Variants in TMEM182 observed in about 807,000 individuals in gnomAD.
The protein encoded by TMEM182 is transmembrane protein 182.
Under a neutral mutation model 26.8 loss-of-function variants are expected in TMEM182, and 20 were observed. That is an observed-to-expected ratio of 0.75 (90% CI 0.53 to 1.09). The LOEUF (loss-of-function observed/expected upper bound fraction) is 1.09. Ranked by LOEUF, TMEM182 falls within the 50% of genes least tolerant of loss-of-function variation. The pLI is 0.00. For missense variants in TMEM182, 277 were observed against 275.5 expected, an observed-to-expected ratio of 1.01 and a Z score of -0.04; for synonymous variants, 109 against 102.2, an observed-to-expected ratio of 1.07 and a Z score of -0.40.
Position 102,816,869 on chromosome 2 carries a change from C to T in TMEM182, c.*1901C>T. On this transcript the variant is annotated 3_prime_UTR_variant, in exon 5 of 5. Coordinates refer to ENST00000412401, the MANE Select transcript of TMEM182 (RefSeq NM_144632.5). ...TGTACTGTATGCCATTTAAGTTTCA[C>T]ATACAAGCTGCTTTCGGCAAAGGCT... is the stretch of plus-strand genomic sequence containing the variant. 1.0e-6 allele frequency: 1 copy of T among 985,798 alleles called. No individual in the cohort carries two copies. The highest frequency in any genetic ancestry group is 1.2e-6 in the Non-Finnish European group (1 of 829,912). The allele number at this position is 985,798 out of a possible 1,614,324, so 61.1% of individuals were successfully genotyped here.
At chr2:102,790,217 G>A (rs1681577921) in intron 3 of TMEM182, among the ~76,000 whole-genome samples, 1 of 152,210 alleles carries the variant, frequency 6.6e-6, no homozygotes, top group South Asian at 2.1e-4. Context: ...GTGGCTTCTG[G>A]TTGTCAGCAC....
chr2:102,741,325 C>A (rs1337240442), intron 1 of TMEM182, among the ~76,000 whole-genome samples: 1 of 152,092 alleles, frequency 6.6e-6, no homozygotes, highest in Non-Finnish European at 1.5e-5. Context: ...GGGATACCCC[C>A]ACAATTTAAT....
At chr2:102,792,959 G>A (rs1234984956) in intron 3 of TMEM182, among the ~76,000 whole-genome samples, 5 of 152,090 alleles carry the variant, frequency 3.3e-5, no homozygotes, top group African/African-American at 4.8e-5. Flanking sequence ...CTGCTTCATC[G>A]TGTGTCTCCT....
intron 1 of TMEM182, among the ~76,000 whole-genome samples, chr2:102,740,963 G>T (rs1679523169): frequency 6.6e-6 from 1 of 152,158 alleles, no homozygotes; most frequent in Non-Finnish European, 1.5e-5. Context: ...AAATGAAAAG[G>T]AACACATGCT....
intron 3 of TMEM182, among the ~76,000 whole-genome samples, chr2:102,772,511 C>A (rs1362775547): frequency 2.0e-5 from 3 of 152,084 alleles, no homozygotes; most frequent in African/African-American, 7.2e-5. Context: ...TGGGTCCTGC[C>A]ATCCCATGAG....
intron 3 of TMEM182, among the ~76,000 whole-genome samples, chr2:102,840,509 A>T (rs1294197456): frequency 6.6e-6 from 1 of 152,186 alleles, no homozygotes. Context: ...CACCGGCGTT[A>T]GTGGGTCAGG....
At chr2:102,745,599 C>A (rs1177575098) in intron 1 of TMEM182, among the ~76,000 whole-genome samples, 2 of 152,162 alleles carry the variant, frequency 1.3e-5, no homozygotes, top group East Asian at 1.9e-4. Flanking sequence ...TAATCCCTGC[C>A]CCCCAAAATA....
At chr2:102,808,673 C>A (rs1253728931) in intron 4 of TMEM182, among the ~76,000 whole-genome samples, 3 of 152,110 alleles carry the variant, frequency 2.0e-5, no homozygotes, top group Non-Finnish European at 4.4e-5. Context: ...ATAGTTAGAA[C>A]AACCCAAATG....
intron 3 of TMEM182, among the ~76,000 whole-genome samples, chr2:102,827,587 C>A (rs78076172): frequency 0.011 from 1,699 of 152,312 alleles, 43 homozygotes; most frequent in African/African-American, 0.038. Context: ...GTACTTCGTG[C>A]ATCACTGATC....
At chr2:102,840,045 C>T (rs1315618341) in intron 3 of TMEM182, among the ~76,000 whole-genome samples, 1 of 152,172 alleles carries the variant, frequency 6.6e-6, no homozygotes, top group Non-Finnish European at 1.5e-5. Flanking sequence ...CTGAGTGCCT[C>T]ACGGGGAGAA....
intron 1 of TMEM182, among the ~76,000 whole-genome samples, chr2:102,749,506 T>C (rs1679813882): frequency 1.3e-5 from 2 of 152,178 alleles, no homozygotes. Flanking sequence ...AATTAGATTA[T>C]GGTGATGGCC....
chr2:102,770,144 A>G (rs1415118900), intron 3 of TMEM182, among the ~76,000 whole-genome samples: 1 of 152,216 alleles, frequency 6.6e-6, no homozygotes. Context: ...AAGACAGCCC[A>G]CAAATGAGGG....
chr2:102,805,913 CA>C (rs960656083), intron 4 of TMEM182, among the ~76,000 whole-genome samples: 1 of 151,526 alleles, frequency 6.6e-6, no homozygotes, highest in South Asian at 2.1e-4. Context: ...TCTAAAAAAA[CA>C]AAAAAAACCC....
intron 1 of TMEM182, among the ~76,000 whole-genome samples, chr2:102,742,422 G>C (rs1005553867): frequency 2.6e-5 from 4 of 152,058 alleles, no homozygotes; most frequent in Admixed American, 2.0e-4. Flanking sequence ...GATACCATTT[G>C]GTATCCTATA....
chr2:102,777,117 A>C (rs1680950712), intron 3 of TMEM182, among the ~76,000 whole-genome samples: 1 of 151,894 alleles, frequency 6.6e-6, no homozygotes, highest in African/African-American at 2.4e-5. Flanking sequence ...TTTTCTTAAC[A>C]GTGTCGTTCA....
intron 3 of TMEM182, among the ~76,000 whole-genome samples, chr2:102,842,095 A>G (rs1420739722): frequency 6.6e-6 from 1 of 152,184 alleles, no homozygotes; most frequent in African/African-American, 2.4e-5. Context: ...ACCCATATAT[A>G]AAGTATAACC....
chr2:102,770,673 G>A (rs922881778), intron 3 of TMEM182, among the ~76,000 whole-genome samples: 9 of 151,208 alleles, frequency 6.0e-5, no homozygotes, highest in Admixed American at 2.0e-4. Flanking sequence ...ATGTGAAACC[G>A]CACACGGATG....
At chr2:102,800,015 G>T (rs974767603) in intron 4 of TMEM182, among the ~76,000 whole-genome samples, 3 of 150,926 alleles carry the variant, frequency 2.0e-5, no homozygotes, top group African/African-American at 7.3e-5. Context: ...ACAGTTTAAA[G>T]AGCTAAAAAA....
Position 102,762,642 on chromosome 2 carries a change from G to A in TMEM182, c.188G>A (p.Gly63Glu), listed in dbSNP as rs746613840. The A allele has an allele frequency of 6.2e-7, 1 of 1,613,884 alleles. No individual in the cohort carries two copies. The highest frequency in any genetic ancestry group is 1.1e-5 in the South Asian group (1 of 91,074). ...EGFFWRCWFN[G>E]IVEENDSNIW... ...TTCTTCTGGAGGTGTTGGTTTAATG[G>A]GATTGTGGAAGAGAATGACTCCAAT... Residue 63 changes from glycine (G) to glutamate (E), a missense_variant, in exon 2 of 5, where the codon GGG becomes GAG. Coordinates refer to ENST00000412401, the MANE Select transcript of TMEM182 (RefSeq NM_144632.5).
Sources: allele counts gnomAD v4.1 joint callset (sites outside exome capture counted in the v4.1 genomes callset), GRCh38; gene constraint gnomAD v4.1.1; transcripts MANE v1.5; gene names NCBI Gene and HGNC (gene_info 2026-07-23, HGNC 2026-07-21).